The following CCDC138 variants were observed in gnomAD, a reference collection of about 807,000 sequenced individuals.
CCDC138 encodes coiled-coil domain-containing protein 138.
A neutral mutation model predicts 82.3 loss-of-function variants in CCDC138; 66 were observed. The ratio of observed to expected loss-of-function variants is 0.80; its 90% CI spans 0.66 to 0.98. CCDC138 has a LOEUF of 0.98. CCDC138 is among the 50% of genes least tolerant of loss of function. The pLI is 0.00. For synonymous variants in CCDC138, 297 were observed against 265.4 expected, an observed-to-expected ratio of 1.12 and a Z score of -1.16; for missense variants, 816 against 758.9, an observed-to-expected ratio of 1.08 and a Z score of -0.88.
At chr2:108,814,832 C>T (rs1684486117) in intron 9 of CCDC138, among the ~76,000 whole-genome samples, 2 of 151,834 alleles carry the variant, frequency 1.3e-5, no homozygotes, top group Non-Finnish European at 1.5e-5. Context: ...GACAGCGTTT[C>T]ACCATGTTGG....
At chr2:108,797,331 A>G (rs887745983) in intron 5 of CCDC138, among the ~76,000 whole-genome samples, 3 of 152,202 alleles carry the variant, frequency 2.0e-5, no homozygotes, top group African/African-American at 4.8e-5. Flanking sequence ...GAAGGAGAGC[A>G]TTTTAAGTTG....
At chr2:108,832,369 CAG>C (rs1441792939) in intron 10 of CCDC138, among the ~76,000 whole-genome samples, 3 of 120,980 alleles carry the variant, frequency 2.5e-5, no homozygotes, top group African/African-American at 6.4e-5. Flanking sequence ...TTTTTTGAGA[CAG>C]AGTTTCACTC....
intron 7 of CCDC138, among the ~76,000 whole-genome samples, chr2:108,809,434 A>G (rs1342401465): frequency 6.8e-6 from 1 of 146,172 alleles, no homozygotes; most frequent in Non-Finnish European, 1.5e-5. Context: ...GTTCCAGTCC[A>G]TGAACATGAA....
At chr2:108,805,643 C>T (rs1040325179) in intron 7 of CCDC138, among the ~76,000 whole-genome samples, 5 of 151,858 alleles carry the variant, frequency 3.3e-5, no homozygotes, top group Admixed American at 6.6e-5. Flanking sequence ...AGGAGAATGT[C>T]GTGAACCCAG....
At chr2:108,794,450 C>T in intron 4 of CCDC138, 90 bp from the exon 5 acceptor site, 1 of 1,147,550 alleles carries the variant, frequency 8.7e-7, no homozygotes, top group Non-Finnish European at 1.2e-6. Context: ...ATATTTTGTA[C>T]TTAAAGCATC....
At chr2:108,829,484 G>T (rs1376235553) in intron 10 of CCDC138, among the ~76,000 whole-genome samples, 1 of 152,342 alleles carries the variant, frequency 6.6e-6, no homozygotes, top group Admixed American at 6.5e-5. Flanking sequence ...GGTGGCCCAT[G>T]CCTGTAATGC....
intron 2 of CCDC138, among the ~76,000 whole-genome samples, chr2:108,788,327 G>A (rs1679273932): frequency 6.6e-6 from 1 of 152,098 alleles, no homozygotes; most frequent in South Asian, 2.1e-4. Context: ...GGCTGAGGCA[G>A]GAGAATCGGT....
chr2:108,793,645 G>A (rs1185903044), intron 4 of CCDC138, among the ~76,000 whole-genome samples: 2 of 151,176 alleles, frequency 1.3e-5, no homozygotes, highest in Non-Finnish European at 2.9e-5. Context: ...CGCCCAGGCT[G>A]GAGTGCAGTA....
chr2:108,843,873 TG>T (rs767330935), intron 11 of CCDC138, among the ~76,000 whole-genome samples: 7,575 of 36,694 alleles, frequency 0.21, 366 homozygotes, highest in Non-Finnish European at 0.29. Context: ...TGTGTGTGTG[TG>T]TGTGTTTCTT....
chr2:108,831,853 C>G (rs1335850842), intron 10 of CCDC138, among the ~76,000 whole-genome samples: 5 of 152,060 alleles, frequency 3.3e-5, no homozygotes, highest in Non-Finnish European at 7.4e-5. Flanking sequence ...CTGCCTCAGC[C>G]TCCCGAGTAG....
At chr2:108,796,376 G>C (rs1455957799) in intron 5 of CCDC138, among the ~76,000 whole-genome samples, 1 of 152,132 alleles carries the variant, frequency 6.6e-6, no homozygotes, top group Non-Finnish European at 1.5e-5. Context: ...AGTTTAATCT[G>C]ACTTTAAAAT....
chr2:108,874,967 G>T, intron 14 of CCDC138, among the ~76,000 whole-genome samples: 1 of 151,090 alleles, frequency 6.6e-6, no homozygotes. Context: ...TATAACCTTG[G>T]GCCAAAATGT....
In CCDC138 at chr2:108,796,203, C is replaced by T. The variant is rs562139320; in HGVS notation, c.576+1482C>T. 1.4e-4 allele frequency among the ~76,000 whole-genome samples: 22 copies of T among 152,092 alleles called. No individual in the cohort carries two copies. The East Asian group carries it at 2.3e-3, about 16-fold the overall frequency. On this transcript the variant is annotated intron_variant, in intron 5 of 14. Transcript: ENST00000295124. Reference sequence around the variant, plus strand: ...AGCTGGGACTACAGGCACCTGCCACCGCGCCCGGCTAATTTTTTTTTTTTG... The same window carrying T: ...AGCTGGGACTACAGGCACCTGCCACTGCGCCCGGCTAATTTTTTTTTTTTG...
At position 108,865,005 on chromosome 2, in the gene CCDC138, A is replaced by G. The variant is rs138698227; in HGVS notation, c.1693+8035A>G. Among the ~76,000 whole-genome samples, 366 of 152,174 alleles carry G rather than the reference A, an allele frequency of 2.4e-3. 5 individuals carry two copies. Among genetic ancestry groups the G allele is most frequent in the African/African-American group, 8.5e-3 (354 of 41,528 alleles). On this transcript the variant is annotated intron_variant, in intron 13 of 14. Coordinates refer to ENST00000295124, the MANE Select transcript of CCDC138 (RefSeq NM_144978.3). ...CACATTCACATATCTCATAATTTCA[A>G]AAGTACAAAAGTGAAAAGTCTGCCT...
At chr2:108,821,545 T>C (rs1159623749) in intron 10 of CCDC138, among the ~76,000 whole-genome samples, 1 of 152,064 alleles carries the variant, frequency 6.6e-6, no homozygotes, top group Non-Finnish European at 1.5e-5. Context: ...GGAATCTAAG[T>C]GTGTAACACA....
chr2:108,860,534 A>G (rs1182081637), intron 13 of CCDC138, among the ~76,000 whole-genome samples: 1 of 151,672 alleles, frequency 6.6e-6, no homozygotes, highest in East Asian at 1.9e-4. Flanking sequence ...TTTATCCTAA[A>G]GAGATGTTGG....
intron 4 of CCDC138, among the ~76,000 whole-genome samples, chr2:108,793,398 AAG>A (rs1361408163): frequency 6.6e-6 from 1 of 152,014 alleles, no homozygotes; most frequent in Non-Finnish European, 1.5e-5. Context: ...TAATTGTTAA[AAG>A]AAAATAAATT....
chr2:108,824,689 T>C (rs1336541726), intron 10 of CCDC138, among the ~76,000 whole-genome samples: 2 of 152,222 alleles, frequency 1.3e-5, no homozygotes, highest in African/African-American at 4.8e-5. Context: ...TAGTCATTTA[T>C]TATCTTTATC....
At chr2:108,806,125 T>C (rs1258152141) in intron 7 of CCDC138, among the ~76,000 whole-genome samples, 1 of 152,226 alleles carries the variant, frequency 6.6e-6, no homozygotes, top group Non-Finnish European at 1.5e-5. Flanking sequence ...TTTTCTCACC[T>C]GATCTAATTC....
Sources: allele counts gnomAD v4.1 joint callset (sites outside exome capture counted in the v4.1 genomes callset), GRCh38; gene constraint gnomAD v4.1.1; transcripts MANE v1.5; gene names NCBI Gene and HGNC (gene_info 2026-07-23, HGNC 2026-07-21).